FGGY: variants seen among roughly 807,000 people sequenced by gnomAD.
The protein encoded by FGGY is FGGY carbohydrate kinase domain containing, also known as FGGY carbohydrate kinase domain-containing protein.
A neutral mutation model predicts 71.3 loss-of-function variants in FGGY; 72 were observed. The ratio of observed to expected loss-of-function variants is 1.01; its 90% CI spans 0.84 to 1.23. FGGY has a LOEUF of 1.23. Among genes scored for constraint, FGGY ranks in the 50% most tolerant of loss-of-function variants. FGGY has a pLI of 0.00. For synonymous variants in FGGY, 251 were observed against 250.3 expected (o/e 1.00, Z -0.02); for missense variants, 668 against 682.3 (o/e 0.98, Z 0.23).
chr1:59,331,780 G>C (rs992423011), intron 2 of FGGY: 1 of 152,166 alleles, frequency 6.6e-6, no homozygotes, highest in East Asian at 1.9e-4. Flanking sequence ...ACCCTAGAAG[G>C]GGCTTGATTA....
intron 5 of FGGY, among the ~76,000 whole-genome samples, chr1:59,396,607 G>A (rs1204467640): frequency 6.6e-6 from 1 of 152,118 alleles, no homozygotes; most frequent in African/African-American, 2.4e-5. Flanking sequence ...AGTGGCCTCA[G>A]GTCCTTTGGA....
chr1:59,657,468 G>A (rs145708984), intron 11 of FGGY, among the ~76,000 whole-genome samples: 36 of 152,320 alleles, frequency 2.4e-4, no homozygotes, highest in East Asian at 7.7e-4. Flanking sequence ...CAGAGAAACC[G>A]TGTGTGAATG....
chr1:59,719,448 T>G (rs1176959599), intron 14 of FGGY, among the ~76,000 whole-genome samples: 1 of 152,166 alleles, frequency 6.6e-6, no homozygotes, highest in Non-Finnish European at 1.5e-5. Flanking sequence ...AAGGCCCACA[T>G]TACTAGGTAA....
At chr1:59,741,525 T>G (rs139654401) in intron 14 of FGGY, among the ~76,000 whole-genome samples, 3 of 152,176 alleles carry the variant, frequency 2.0e-5, no homozygotes, top group African/African-American at 7.2e-5. Flanking sequence ...TCTTCATAAA[T>G]TACCCAGTCT....
At chr1:59,307,088 G>T (rs2043548892) in intron 1 of FGGY, among the ~76,000 whole-genome samples, 1 of 152,108 alleles carries the variant, frequency 6.6e-6, no homozygotes, top group South Asian at 2.1e-4. Context: ...GCCGAGGTGG[G>T]AGGATAGCTT....
At chr1:59,728,281 A>T (rs1427286407) in intron 14 of FGGY, among the ~76,000 whole-genome samples, 1 of 152,084 alleles carries the variant, frequency 6.6e-6, no homozygotes, top group Non-Finnish European at 1.5e-5. Context: ...ACGCTATACC[A>T]CTTACATGTA....
At position 59,706,785 on chromosome 1, in the gene FGGY, A is replaced by T. The variant is rs146311908; in HGVS notation, c.1512+32652A>T. Among the ~76,000 whole-genome samples, 8 of 152,328 alleles carry T rather than the reference A, an allele frequency of 5.3e-5. No individual in the cohort carries two copies. In the East Asian group the frequency reaches 1.4e-3, roughly 26 times the overall value. On this transcript the variant is annotated intron_variant, in intron 14 of 15. Coordinates refer to ENST00000303721, the MANE Select transcript of FGGY (RefSeq NM_018291.5). ...TGACCTTAGACCTAACCTCTTCAAC[A>T]TTCAGTTTCCTGATCTGTAGAATTA...
chr1:59,578,422 C>T (rs188601505), intron 8 of FGGY, among the ~76,000 whole-genome samples: 2 of 152,036 alleles, frequency 1.3e-5, no homozygotes, highest in African/African-American at 4.8e-5. Context: ...TATGGAGGAA[C>T]CCCAAAACAC....
At chr1:59,463,136 A>G (rs545499761) in intron 6 of FGGY, among the ~76,000 whole-genome samples, 1 of 151,610 alleles carries the variant, frequency 6.6e-6, no homozygotes, top group African/African-American at 2.4e-5. Context: ...CCTATACACC[A>G]TGGAATACTA....
chr1:59,612,179 C>T (rs971694817), intron 9 of FGGY, among the ~76,000 whole-genome samples: 38 of 152,262 alleles, frequency 2.5e-4, no homozygotes, highest in African/African-American at 9.1e-4. Flanking sequence ...AGAGCAACTC[C>T]AAGACACATA....
chr1:59,675,611 C>T (rs1161870965), intron 14 of FGGY, among the ~76,000 whole-genome samples: 5 of 152,152 alleles, frequency 3.3e-5, no homozygotes, highest in African/African-American at 1.2e-4. Flanking sequence ...TGGATAGTCT[C>T]GTCCTTTCTC....
At chr1:59,403,817 C>G (rs567759394) in intron 5 of FGGY, among the ~76,000 whole-genome samples, 2 of 152,232 alleles carry the variant, frequency 1.3e-5, no homozygotes, top group South Asian at 2.1e-4. Context: ...GCTGTAAGCC[C>G]CGGCCTCTCT....
chr1:59,360,389 G>T (rs1030925628), intron 4 of FGGY, among the ~76,000 whole-genome samples: 1 of 152,174 alleles, frequency 6.6e-6, no homozygotes, highest in Non-Finnish European at 1.5e-5. Flanking sequence ...CCACGGACCT[G>T]AGAAAGAGAG....
chr1:59,307,433 T>C (rs754695687), intron 1 of FGGY, among the ~76,000 whole-genome samples: 3 of 152,170 alleles, frequency 2.0e-5, no homozygotes, highest in Non-Finnish European at 4.4e-5. Flanking sequence ...AAGGCTATTG[T>C]TAGGATCTTT....
chr1:59,558,076 C>T (rs528162269), intron 8 of FGGY, among the ~76,000 whole-genome samples: 1 of 152,248 alleles, frequency 6.6e-6, no homozygotes, highest in South Asian at 2.1e-4. Context: ...AGGCAGGATG[C>T]TTCATCTTTC....
intron 7 of FGGY, among the ~76,000 whole-genome samples, chr1:59,516,978 A>G (rs371755942): frequency 1.3e-5 from 2 of 152,132 alleles, no homozygotes; most frequent in African/African-American, 4.8e-5. Context: ...AAAGAGGAGG[A>G]AGGGCTTTGT....
intron 11 of FGGY, among the ~76,000 whole-genome samples, chr1:59,642,335 A>G (rs550348127): frequency 2.0e-5 from 3 of 152,334 alleles, no homozygotes; most frequent in East Asian, 3.9e-4. Flanking sequence ...TGGGGATAAG[A>G]GCAAATCACG....
intron 6 of FGGY, among the ~76,000 whole-genome samples, chr1:59,497,806 T>G (rs1316466519): frequency 1.3e-5 from 2 of 152,162 alleles, no homozygotes; most frequent in Admixed American, 1.3e-4. Flanking sequence ...AAGTGTGGAT[T>G]TCCTGTTAGT....
intron 11 of FGGY, 131 bp downstream of exon 11, chr1:59,638,506 T>A (rs1418176596): frequency 9.8e-7 from 1 of 1,023,332 alleles, no homozygotes; most frequent in African/African-American, 1.6e-5. Context: ...TTTGTGCAGA[T>A]GCATTGCTGT....
Sources: allele counts gnomAD v4.1 joint callset (sites outside exome capture counted in the v4.1 genomes callset), GRCh38; gene constraint gnomAD v4.1.1; transcripts MANE v1.5; gene names NCBI Gene and HGNC (gene_info 2026-07-23, HGNC 2026-07-21).